Variants in FLRT1 observed in about 807,000 individuals in gnomAD.
The protein encoded by FLRT1 is fibronectin leucine rich transmembrane protein 1.
In FLRT1, 14 loss-of-function variants were observed where a neutral mutation model predicts 30.9. That is an observed-to-expected ratio of 0.45 (90% CI 0.30 to 0.71). The LOEUF (loss-of-function observed/expected upper bound fraction) is 0.71, where lower values mean the gene tolerates loss of function less well. Ranked by LOEUF, FLRT1 falls within the 30% of genes least tolerant of loss-of-function variation. The pLI is 0.08. For missense variants in FLRT1, 737 were observed against 949.2 expected (o/e 0.78, Z 2.94); for synonymous variants, 368 against 430.4 (o/e 0.85, Z 1.80).
At chr11:64,044,219 A>G (rs925470502) in intron 1 of FLRT1, among the ~76,000 whole-genome samples, 8 of 150,334 alleles carry the variant, frequency 5.3e-5, no homozygotes, top group East Asian at 4.0e-4. Flanking sequence ...CACACTTACT[A>G]TGTACCTGGT....
At chr11:64,053,089 G>A (rs550586298) in intron 1 of FLRT1, among the ~76,000 whole-genome samples, 2 of 152,194 alleles carry the variant, frequency 1.3e-5, no homozygotes, top group Non-Finnish European at 2.9e-5. Context: ...CCTCCAGCAC[G>A]CTGGGCCTGC....
At chr11:64,069,515 C>A (rs1267255292) in intron 1 of FLRT1, among the ~76,000 whole-genome samples, 1 of 152,214 alleles carries the variant, frequency 6.6e-6, no homozygotes, top group African/African-American at 2.4e-5. Flanking sequence ...GAAGGGCAAG[C>A]ACAGCCACAG....
chr11:64,056,733 G>C (rs568052314), intron 1 of FLRT1, among the ~76,000 whole-genome samples: 6 of 152,328 alleles, frequency 3.9e-5, no homozygotes, highest in Non-Finnish European at 8.8e-5. Flanking sequence ...GCAGGGGTGT[G>C]AGGCCCATCC....
At chr11:64,072,837 G>A (rs1000832765) in intron 1 of FLRT1, among the ~76,000 whole-genome samples, 3 of 152,220 alleles carry the variant, frequency 2.0e-5, no homozygotes, top group East Asian at 1.9e-4. Context: ...CAACCAGAGC[G>A]TCTGAGGGTC....
intron 1 of FLRT1, among the ~76,000 whole-genome samples, chr11:64,086,315 G>C (rs1944394229): frequency 6.6e-6 from 1 of 152,138 alleles, no homozygotes. Flanking sequence ...ACCGGCACCT[G>C]CACAGCCTGG....
chr11:64,043,026 G>A (rs1443342480), intron 1 of FLRT1, among the ~76,000 whole-genome samples: 1 of 152,246 alleles, frequency 6.6e-6, no homozygotes, highest in Admixed American at 6.5e-5. Context: ...GAAAGCTCTG[G>A]AGTCGATGAA....
intron 1 of FLRT1, among the ~76,000 whole-genome samples, chr11:64,079,615 C>T (rs982432404): frequency 2.6e-5 from 4 of 152,100 alleles, no homozygotes; most frequent in Non-Finnish European, 4.4e-5. Context: ...ATGGGCTAGA[C>T]GGAGGCAGAG....
At chr11:64,114,543 T>G (rs1590928707) in intron 2 of FLRT1, among the ~76,000 whole-genome samples, 3 of 85,824 alleles carry the variant, frequency 3.5e-5, no homozygotes, top group Non-Finnish European at 5.9e-5. Flanking sequence ...ATGTATGGAT[T>G]GATGCATGGA....
chr11:64,065,843 ACAGG>A (rs1943995781), intron 1 of FLRT1, among the ~76,000 whole-genome samples: 1 of 151,120 alleles, frequency 6.6e-6, no homozygotes, highest in Non-Finnish European at 1.5e-5. Flanking sequence ...CTCTCCATGC[ACAGG>A]CAGGCAGGTG....
chr11:64,100,274 G>C (rs1944648693), intron 1 of FLRT1, among the ~76,000 whole-genome samples: 1 of 152,214 alleles, frequency 6.6e-6, no homozygotes, highest in South Asian at 2.1e-4. Flanking sequence ...AGAGATGTGA[G>C]ATTGGGCACT....
chr11:64,042,918 C>T (rs1943516131), intron 1 of FLRT1, among the ~76,000 whole-genome samples: 1 of 152,224 alleles, frequency 6.6e-6, no homozygotes, highest in Admixed American at 6.5e-5. Context: ...CTTCTTCCCA[C>T]TGTGAGAGCA....
chr11:64,118,230 TA>T lies in FLRT1; in HGVS notation c.1964del (p.Tyr655SerfsTer15). 1 of 1,611,862 alleles carries T rather than the reference TA, an allele frequency of 6.2e-7. No individual in the cohort carries two copies. The highest frequency in any genetic ancestry group is 1.1e-5 in the South Asian group (1 of 90,992). ...SLCKATHTIG[Y>X]GTTRGYRDGG... ...CTGCAAGGCCACACACACCATTGGCTACGGCACCACGCGGGGCTACCGGGAC... is the reference window on the plus strand; with the variant it reads ...CTGCAAGGCCACACACACCATTGGCTCGGCACCACGCGGGGCTACCGGGAC... On this transcript the variant is annotated frameshift_variant, in exon 3 of 3. Coordinates refer to ENST00000682287, the MANE Select transcript of FLRT1 (RefSeq NM_013280.5). LOFTEE classifies it high-confidence loss of function.
At chr11:64,072,074 G>A (rs1345283995) in intron 1 of FLRT1, among the ~76,000 whole-genome samples, 1 of 152,262 alleles carries the variant, frequency 6.6e-6, no homozygotes, top group African/African-American at 2.4e-5. Flanking sequence ...AAGATGATGT[G>A]AGCCCGAATC....
chr11:64,073,864 G>A (rs772129273), intron 1 of FLRT1, among the ~76,000 whole-genome samples: 4 of 152,212 alleles, frequency 2.6e-5, no homozygotes, highest in Non-Finnish European at 5.9e-5. Context: ...CAGAGATGCA[G>A]TTGGGGACCC....
chr11:64,064,843 CTCAT>C lies in FLRT1; in HGVS notation c.-1038+28714_-1038+28717del, dbSNP rs71045731. On this transcript the variant is annotated intron_variant, in intron 1 of 2. Coordinates refer to ENST00000682287, the MANE Select transcript of FLRT1 (RefSeq NM_013280.5). This position sits in a 1 kb window ranked among gnomAD's most constrained non-coding sequence, Gnocchi z 4.5. ...CAAGAGGCTAGAGTTTCACAAGGAC[CTCAT>C]TCATTCATTCATTCATTCATTCATT... is the stretch of plus-strand genomic sequence containing the variant. 0.34 allele frequency among the ~76,000 whole-genome samples: 51,262 copies of C among 150,338 alleles called. 10,509 individuals are homozygous for C. Among genetic ancestry groups the C allele is most frequent in the African/African-American group, 0.59 (23,967 of 40,840 alleles).
chr11:64,085,572 C>T (rs9633997), intron 1 of FLRT1, among the ~76,000 whole-genome samples: 34,675 of 152,120 alleles, frequency 0.23, 4,968 homozygotes, highest in East Asian at 0.42. Context: ...TGCCGCCCGC[C>T]CGGGTCCACC....
intron 2 of FLRT1, among the ~76,000 whole-genome samples, chr11:64,105,171 C>T (rs1214525679): frequency 3.9e-5 from 6 of 152,224 alleles, no homozygotes; most frequent in Admixed American, 6.5e-5. Flanking sequence ...TATAAAAGTG[C>T]GCCAGCCCGA....
chr11:64,108,710 C>T (rs922519854), intron 2 of FLRT1, among the ~76,000 whole-genome samples: 1 of 152,188 alleles, frequency 6.6e-6, no homozygotes, highest in South Asian at 2.1e-4. Flanking sequence ...TCTGCCTGCA[C>T]GGCATTCTCA....
intron 2 of FLRT1, among the ~76,000 whole-genome samples, chr11:64,112,528 G>GCAAAA (rs1437485328): frequency 6.6e-6 from 1 of 152,094 alleles, no homozygotes; most frequent in Non-Finnish European, 1.5e-5. Context: ...GCAAAACAAG[G>GCAAAA]CAAAACAAAA....
Sources: allele counts gnomAD v4.1 joint callset (sites outside exome capture counted in the v4.1 genomes callset), GRCh38; gene constraint gnomAD v4.1.1; non-coding constraint Gnocchi (gnomAD v3.1); transcripts MANE v1.5; gene names NCBI Gene and HGNC (gene_info 2026-07-23, HGNC 2026-07-21).